Variants in C21orf91 observed in about 807,000 individuals in gnomAD.
C21orf91 encodes protein EURL homolog.
A neutral mutation model predicts 32.9 loss-of-function variants in C21orf91; 26 were observed. The observed-to-expected ratio is 0.79, with a 90% CI of 0.58 to 1.10. C21orf91 has a LOEUF of 1.10. C21orf91 is among the 50% of genes least tolerant of loss of function. C21orf91 has a pLI of 0.00. For synonymous variants in C21orf91, 126 were observed against 120.4 expected (o/e 1.05, Z -0.31); for missense variants, 310 against 341.3 (o/e 0.91, Z 0.72).
intron 2 of C21orf91, among the ~76,000 whole-genome samples, chr21:17,803,738 T>C (rs1035350652): frequency 6.6e-6 from 1 of 152,118 alleles, no homozygotes; most frequent in Admixed American, 6.5e-5. Context: ...CCAAATTCCA[T>C]GTTATTAGGA....
At chr21:17,815,974 CA>C (rs1457325931) in intron 2 of C21orf91, among the ~76,000 whole-genome samples, 1 of 152,008 alleles carries the variant, frequency 6.6e-6, no homozygotes, top group African/African-American at 2.4e-5. Flanking sequence ...AAATCTTAAA[CA>C]AAAAAGTTGT....
rs1040697426 is a variant in C21orf91 at position 17,789,232 on chromosome 21, GCTA to G, written c.*4180_*4182del. ...ATTAAGTTCAATGACCATAGTATAC[GCTA>G]CTGTTTTAAAGCAAGGTTCACACAC... is the stretch of plus-strand genomic sequence containing the variant. On this transcript the variant is annotated 3_prime_UTR_variant, in exon 5 of 5. Transcript: ENST00000284881. The G allele has an allele frequency of 1.4e-5, 2 of 146,376 alleles. No individual in the cohort carries two copies. The highest frequency in any genetic ancestry group is 2.6e-5 in the African/African-American group (1 of 38,344). 9.1% of individuals were successfully genotyped at this position (146,376 alleles called of 1,614,324 possible).
chr21:17,806,303 G>A (rs534253119), intron 2 of C21orf91, among the ~76,000 whole-genome samples: 5 of 152,336 alleles, frequency 3.3e-5, no homozygotes, highest in African/African-American at 7.2e-5. Flanking sequence ...TAGAGGGCAC[G>A]AAGAATAGTT....
At chr21:17,806,763 C>G (rs1219290489) in intron 2 of C21orf91, among the ~76,000 whole-genome samples, 1 of 152,106 alleles carries the variant, frequency 6.6e-6, no homozygotes, top group African/African-American at 2.4e-5. Context: ...TCACTTGAAC[C>G]TGGGAGGCAG....
In C21orf91 at chr21:17,818,974, A is replaced by C. The variant is rs926725371; in HGVS notation, c.-8+329T>G. ...AAGCCGGAGCTGGGAGAGCCGCGGC[A>C]TCCTGGAGCCCGGCGGGCGGGAGAG... On this transcript the variant is annotated intron_variant, in intron 1 of 4. Coordinates refer to ENST00000284881, the MANE Select transcript of C21orf91 (RefSeq NM_001100420.2). The C allele has an allele frequency of 4.6e-5, 7 of 152,372 alleles. No individual in the cohort carries two copies. The East Asian group carries it at 9.7e-4, about 21-fold the overall frequency. The allele number at this position is 152,372 out of a possible 1,614,324, so 9.4% of individuals were successfully genotyped here.
chr21:17,796,108 T>G (rs1207887191), intron 3 of C21orf91, among the ~76,000 whole-genome samples: 2 of 152,210 alleles, frequency 1.3e-5, no homozygotes, highest in Admixed American at 6.5e-5. Flanking sequence ...TGTAAATTTT[T>G]GTAGAAATAG....
At chr21:17,803,616 C>G (rs1419805686) in intron 2 of C21orf91, among the ~76,000 whole-genome samples, 2 of 152,116 alleles carry the variant, frequency 1.3e-5, no homozygotes, top group Non-Finnish European at 2.9e-5. Context: ...ATGATCTTAT[C>G]TTGGATGCTA....
In C21orf91 at chr21:17,792,677, T is replaced by C. The variant is rs1267961774; in HGVS notation, c.*738A>G. The C allele has an allele frequency of 6.6e-6, 1 of 152,354 alleles. No individual in the cohort carries two copies. Among genetic ancestry groups the C allele is most frequent in the African/African-American group, 2.4e-5 (1 of 41,448 alleles). The allele number at this position is 152,354 out of a possible 1,614,324, so 9.4% of individuals were successfully genotyped here. A position where few individuals can be genotyped will look rare whatever the true frequency, so the allele number is the denominator to read the frequency against. On this transcript the variant is annotated 3_prime_UTR_variant, in exon 5 of 5. Transcript: ENST00000284881. ...ATTGACATAGAAGCCAGATTAGTCT[T>C]TTCTTCCTGAACTAAGAACTGCTTT...
chr21:17,804,644 G>C (rs2062583562), intron 2 of C21orf91, among the ~76,000 whole-genome samples: 1 of 152,200 alleles, frequency 6.6e-6, no homozygotes, highest in Admixed American at 6.5e-5. Flanking sequence ...TTATCAACAG[G>C]TGGCCTTTAG....
rs938999106 is a variant in C21orf91 at position 17,818,393 on chromosome 21, T to C, written c.-7-68A>G. The C allele has an allele frequency of 1.8e-5, 24 of 1,305,110 alleles. No homozygotes were observed. In the South Asian group the frequency reaches 2.3e-4, roughly 13 times the overall value. 80.8% of individuals were successfully genotyped at this position (1,305,110 alleles called of 1,614,324 possible). A position where few individuals can be genotyped will look rare whatever the true frequency, so the allele number is the denominator to read the frequency against. On this transcript the variant is annotated intron_variant, in intron 1 of 4. Coordinates refer to ENST00000284881, the MANE Select transcript of C21orf91 (RefSeq NM_001100420.2). ...CTGCCTTTGGGGTAGTTCCCTTTAC[T>C]GGGAACTTCTAGGAAATAAGGATGC...
intron 2 of C21orf91, among the ~76,000 whole-genome samples, chr21:17,812,733 T>C (rs558104049): frequency 4.6e-4 from 70 of 151,898 alleles, no homozygotes; most frequent in African/African-American, 1.6e-3. Flanking sequence ...GGTGTGAACC[T>C]GGGAGGCGGA....
At chr21:17,800,401 G>A (rs567660749) in intron 2 of C21orf91, among the ~76,000 whole-genome samples, 2 of 152,284 alleles carry the variant, frequency 1.3e-5, no homozygotes, top group African/African-American at 4.8e-5. Context: ...AATAATGTGA[G>A]TAGCTCACTT....
intron 2 of C21orf91, among the ~76,000 whole-genome samples, chr21:17,816,114 T>C (rs1176157129): frequency 1.3e-5 from 2 of 152,376 alleles, no homozygotes; most frequent in East Asian, 1.9e-4. Flanking sequence ...GATTTTAATA[T>C]ATAAAACCTT....
At chr21:17,812,275 T>C (rs2062637449) in intron 2 of C21orf91, among the ~76,000 whole-genome samples, 1 of 152,130 alleles carries the variant, frequency 6.6e-6, no homozygotes, top group Non-Finnish European at 1.5e-5. Flanking sequence ...ATTTTTAAAG[T>C]GTTCAAACTA....
chr21:17,802,547 AT>A (rs536097380), intron 2 of C21orf91, among the ~76,000 whole-genome samples: 51 of 152,136 alleles, frequency 3.4e-4, no homozygotes, highest in Non-Finnish European at 4.1e-4. Context: ...TGTAGGAACA[AT>A]TTTTTTTCGT....
In C21orf91 at chr21:17,817,978, G is replaced by A. The variant is rs9977491; in HGVS notation, c.127+214C>T. 3.5e-3 allele frequency: 1,313 copies of A among 374,374 alleles called. 11 individuals are homozygous for A. Among genetic ancestry groups the A allele is most frequent in the African/African-American group, 0.02 (939 of 48,022 alleles). The allele number at this position is 374,374 out of a possible 1,614,324, so 23.2% of individuals were successfully genotyped here. On this transcript the variant is annotated intron_variant, in intron 2 of 4. Transcript: ENST00000284881. ...CTGTATTAGGAAAAATGGGGTTGTT[G>A]CAGGGGTCTTTAAAAAAAAAAGATT...
At position 17,789,086 on chromosome 21, in the gene C21orf91, A is replaced by T. The variant is rs243606; in HGVS notation, c.*4329T>A. Reference sequence around the variant, plus strand: ...AATTATTGCAGTTTTCAAAGAAAATATAACAGCCAAATAATTGCCTACTTT... The same window carrying T: ...AATTATTGCAGTTTTCAAAGAAAATTTAACAGCCAAATAATTGCCTACTTT... On this transcript the variant is annotated 3_prime_UTR_variant, in exon 5 of 5. Transcript: ENST00000284881. 6.6e-6 allele frequency: 1 copy of T among 151,942 alleles called. No individual in the cohort carries two copies. The highest frequency in any genetic ancestry group is 1.5e-5 in the Non-Finnish European group (1 of 67,976). The allele number at this position is 151,942 out of a possible 1,614,324, so 9.4% of individuals were successfully genotyped here.
At position 17,818,313 on chromosome 21, in the gene C21orf91, G is replaced by C. The variant is rs759807919; in HGVS notation, c.6C>G (p.Asn2Lys). 88 of 1,609,136 alleles carry C rather than the reference G, an allele frequency of 5.5e-5. No individual in the cohort carries two copies. The highest frequency in any genetic ancestry group is 7.4e-5 in the Non-Finnish European group (87 of 1,177,394). Residue 2 changes from asparagine to lysine, a missense_variant, in exon 2 of 5, where the codon AAC (asparagine) becomes AAG (lysine). Physicochemically the swap from Asn to Lys is moderately conservative, Grantham distance 94 (BLOSUM62 0). Coordinates refer to ENST00000284881, the MANE Select transcript of C21orf91 (RefSeq NM_001100420.2). M[N>K]EEEQFVNIDL... ...CAATGTTTACAAACTGCTCCTCTTC[G>C]TTCATAGTGCCCCTATTAAGAAACA...
chr21:17,818,529 G>T (rs2062681262), intron 1 of C21orf91, among the ~76,000 whole-genome samples: 1 of 152,194 alleles, frequency 6.6e-6, no homozygotes, highest in Non-Finnish European at 1.5e-5. Flanking sequence ...CTTAAAGCCA[G>T]GCCATAGGTG....
Sources: allele counts gnomAD v4.1 joint callset (sites outside exome capture counted in the v4.1 genomes callset), GRCh38; gene constraint gnomAD v4.1.1; transcripts MANE v1.5; gene names NCBI Gene and HGNC (gene_info 2026-07-23, HGNC 2026-07-21).